Variants in FLT3 observed in about 807,000 individuals in gnomAD.
The protein encoded by FLT3 is fms related receptor tyrosine kinase 3, also known as receptor-type tyrosine-protein kinase FLT3.
FLT3 carries 46 observed loss-of-function variants against 126.6 expected under a neutral mutation model. That is an observed-to-expected ratio of 0.36 (90% CI 0.29 to 0.46). The LOEUF (loss-of-function observed/expected upper bound fraction) is 0.46. FLT3 is among the 20% of genes least tolerant of loss of function. The pLI is 1.00. For synonymous variants in FLT3, 404 were observed against 434.4 expected, an observed-to-expected ratio of 0.93 and a Z score of 0.87; for missense variants, 1,069 against 1,190.3, an observed-to-expected ratio of 0.90 and a Z score of 1.50.
intron 1 of FLT3, among the ~76,000 whole-genome samples, chr13:28,083,420 C>T (rs1878457294): frequency 6.6e-6 from 1 of 152,148 alleles, no homozygotes; most frequent in African/African-American, 2.4e-5. Context: ...AGGATTGTTA[C>T]ATTTACACTC....
At chr13:28,048,908 T>A (rs986139193) in intron 8 of FLT3, among the ~76,000 whole-genome samples, 4 of 152,204 alleles carry the variant, frequency 2.6e-5, no homozygotes, top group Non-Finnish European at 5.9e-5. Context: ...AATCTGAGAT[T>A]ATTGAACTGT....
intron 1 of FLT3, among the ~76,000 whole-genome samples, chr13:28,082,670 T>TTTTTG (rs140799826): frequency 0.037 from 5,341 of 143,470 alleles, 284 homozygotes; most frequent in African/African-American, 0.12. Flanking sequence ...GCCCAGCTAA[T>TTTTTG]TTTTGTTTTG....
At chr13:28,023,573 G>C in intron 18 of FLT3, 96 bp from the exon 19 acceptor site, 1 of 1,345,892 alleles carries the variant, frequency 7.4e-7, no homozygotes, top group East Asian at 2.3e-5. Flanking sequence ...AGTTAGGTGA[G>C]GTGCTAAGAC....
chr13:28,040,643 CTG>C (rs1396415380), intron 9 of FLT3, among the ~76,000 whole-genome samples: 3 of 152,136 alleles, frequency 2.0e-5, no homozygotes, highest in African/African-American at 7.2e-5. Flanking sequence ...GTAATTCTGA[CTG>C]TGTATTGTGA....
chr13:28,097,909 A>C (rs986979374), intron 1 of FLT3, among the ~76,000 whole-genome samples: 5 of 152,200 alleles, frequency 3.3e-5, no homozygotes, highest in Non-Finnish European at 7.3e-5. Context: ...ATATTGAAAT[A>C]CTTCTCTCTG....
At chr13:28,076,336 T>C (rs1877926648) in intron 1 of FLT3, among the ~76,000 whole-genome samples, 1 of 152,220 alleles carries the variant, frequency 6.6e-6, no homozygotes, top group Admixed American at 6.5e-5. Context: ...ATATATTTCA[T>C]ATATTTGTAT....
chr13:28,046,796 A>G lies in FLT3; in HGVS notation c.1205+1479T>C, dbSNP rs143629305. Among the ~76,000 whole-genome samples the G allele has an allele frequency of 9.0e-4, 137 of 152,222 alleles. 2 individuals are homozygous for G. In the East Asian group the frequency reaches 0.023, roughly 25 times the overall value. On this transcript the variant is annotated intron_variant, in intron 9 of 23. Transcript: ENST00000241453. ...TTTTCTGTAGAGATGGGATTTTGCCATGTTATCCAGGCTGGTCTCAAACTC... is the reference window on the plus strand; with the variant it reads ...TTTTCTGTAGAGATGGGATTTTGCCGTGTTATCCAGGCTGGTCTCAAACTC...
intron 17 of FLT3, among the ~76,000 whole-genome samples, chr13:28,026,059 G>A (rs1023538129): frequency 7.9e-5 from 12 of 152,116 alleles, no homozygotes; most frequent in African/African-American, 2.4e-4. Context: ...ATAAGAACGC[G>A]CCAAGGCTCA....
In FLT3 at chr13:28,049,486, T is replaced by A; in HGVS notation, c.934A>T (p.Ile312Phe). The A allele has an allele frequency of 6.2e-7, 1 of 1,613,506 alleles. No individual in the cohort carries two copies. Among genetic ancestry groups the A allele is most frequent in the Non-Finnish European group, 8.5e-7 (1 of 1,179,440 alleles). ...ACTGATGATACAAAAGCAAACAGAA[T>A]CCGTATCATAGTTCTGTTTGTTGAA... The part of the protein sequence containing the change: ...TYSTNRTMIR[I>F]LFAFVSSVAR... The change falls in exon 8 of 24, where the codon ATT (isoleucine) becomes TTT (phenylalanine). Residue 312 changes from isoleucine (I) to phenylalanine (F), a missense_variant. Physicochemically the swap from Ile to Phe is conservative, Grantham distance 21 (BLOSUM62 0). Coordinates refer to ENST00000241453, the MANE Select transcript of FLT3 (RefSeq NM_004119.3).
intron 22 of FLT3, 107 bp downstream of exon 22, chr13:28,015,050 C>A (rs888011742): frequency 7.3e-6 from 5 of 681,820 alleles, no homozygotes; most frequent in Non-Finnish European, 1.3e-5. Context: ...AAAAAGAATC[C>A]TATACGCTTT....
At position 28,036,635 on chromosome 13, in the gene FLT3, T is replaced by C. The variant is rs546129509; in HGVS notation, c.1309+550A>G. ...AATAAAGTCATAACACTAATTCATA[T>C]TCAGAGACAATGTGAAATAAGTCTT... On this transcript the variant is annotated intron_variant, in intron 10 of 23. Coordinates refer to ENST00000241453, the MANE Select transcript of FLT3 (RefSeq NM_004119.3). Among the ~76,000 whole-genome samples, 224 of 152,358 alleles carry C rather than the reference T, an allele frequency of 1.5e-3. 1 individual carries two copies. The highest frequency in any genetic ancestry group is 4.8e-3 in the African/African-American group (198 of 41,584).
chr13:28,006,757 T>C (rs1870941165), intron 23 of FLT3, among the ~76,000 whole-genome samples: 1 of 151,044 alleles, frequency 6.6e-6, no homozygotes, highest in East Asian at 1.9e-4. Context: ...GTTGTTGCTG[T>C]TGCTGTTGTG....
intron 17 of FLT3, among the ~76,000 whole-genome samples, chr13:28,026,715 C>T (rs776713663): frequency 1.3e-5 from 2 of 152,190 alleles, no homozygotes; most frequent in Non-Finnish European, 1.5e-5. Flanking sequence ...TCCCAGGACC[C>T]GAGCTGCTCT....
chr13:28,091,275 G>T (rs907557721), intron 1 of FLT3, among the ~76,000 whole-genome samples: 1 of 121,222 alleles, frequency 8.2e-6, no homozygotes, highest in Non-Finnish European at 1.6e-5. Flanking sequence ...AGGCTGGAGT[G>T]CAGTGGCGCG....
chr13:28,019,025 T>C (rs1872146133), intron 19 of FLT3, among the ~76,000 whole-genome samples: 1 of 149,088 alleles, frequency 6.7e-6, no homozygotes, highest in Admixed American at 6.9e-5. Context: ...TGGAGTGCAA[T>C]GGCGTGATCT....
chr13:28,061,722 G>A (rs1876582474), intron 3 of FLT3, 145 bp downstream of exon 3: 1 of 631,342 alleles, frequency 1.6e-6, no homozygotes, highest in Admixed American at 2.8e-5. Context: ...AGTGAGACAA[G>A]ATTGTGCCAC....
chr13:28,073,498 A>T (rs1877709488), intron 1 of FLT3: 4 of 253,630 alleles, frequency 1.6e-5, no homozygotes, highest in South Asian at 1.2e-4. Flanking sequence ...TCCACTCTGT[A>T]ATGTTTTCTC....
intron 9 of FLT3, among the ~76,000 whole-genome samples, chr13:28,043,773 G>A (rs1027032598): frequency 1.4e-4 from 22 of 151,928 alleles, no homozygotes; most frequent in African/African-American, 4.4e-4. Flanking sequence ...TTGAGCCCAG[G>A]AGTTAGAATC....
chr13:28,011,382 C>T (rs115597850), intron 23 of FLT3, among the ~76,000 whole-genome samples: 4,972 of 148,598 alleles, frequency 0.033, 248 homozygotes, highest in African/African-American at 0.11. Context: ...TCTACAAAAC[C>T]TTTCACAGAT....
Sources: gnomAD v4.1 joint callset for allele counts (sites outside exome capture counted in the v4.1 genomes callset) on GRCh38, gnomAD v4.1.1 for gene constraint, MANE v1.5 for transcripts, NCBI Gene and HGNC (gene_info 2026-07-23, HGNC 2026-07-21) for gene names.